GRM5: variants seen among roughly 807,000 people sequenced by gnomAD.
GRM5 encodes the protein metabotropic glutamate receptor 5.
A neutral mutation model predicts 83.1 loss-of-function variants in GRM5; 19 were observed. The ratio of observed to expected loss-of-function variants is 0.23; its 90% confidence interval spans 0.16 to 0.34. The LOEUF is 0.34. Ranked by LOEUF, GRM5 falls within the 10% of genes least tolerant of loss-of-function variation. The pLI, the probability that GRM5 is intolerant of heterozygous loss-of-function variation, is 1.00. For missense variants in GRM5, 1,160 were observed against 1,588.3 expected (o/e 0.73, Z 4.58); for synonymous variants, 675 against 633.6 (o/e 1.07, Z -0.98).
intron 3 of GRM5, among the ~76,000 whole-genome samples, chr11:88,805,307 T>G: frequency 6.6e-6 from 1 of 152,150 alleles, no homozygotes; most frequent in East Asian, 1.9e-4. Flanking sequence ...TTCTCCTGCC[T>G]CAGCCTCCTG....
At chr11:88,941,431 C>T (rs962008024) in intron 2 of GRM5, among the ~76,000 whole-genome samples, 68 of 126,790 alleles carry the variant, frequency 5.4e-4, no homozygotes, top group Admixed American at 2.0e-3. Context: ...GGAGAAGAGA[C>T]GAGAATAGGG....
chr11:88,543,235 T>C (rs1942311391), intron 8 of GRM5, among the ~76,000 whole-genome samples: 1 of 152,224 alleles, frequency 6.6e-6, no homozygotes, highest in Admixed American at 6.5e-5. Context: ...TAAGAGCTGA[T>C]TAAGTGAAAA....
intron 2 of GRM5, among the ~76,000 whole-genome samples, chr11:88,890,406 A>G (rs1945123690): frequency 6.6e-6 from 1 of 152,184 alleles, no homozygotes; most frequent in Non-Finnish European, 1.5e-5. Flanking sequence ...AATCCAATTA[A>G]GAAACTGACA....
chr11:88,878,851 G>C (rs896265803), intron 2 of GRM5, among the ~76,000 whole-genome samples: 4 of 152,150 alleles, frequency 2.6e-5, no homozygotes, highest in Non-Finnish European at 4.4e-5. Context: ...GTTTCATACT[G>C]TATCATTCCA....
chr11:88,726,340 A>T (rs1247381742), intron 3 of GRM5, among the ~76,000 whole-genome samples: 1 of 152,180 alleles, frequency 6.6e-6, no homozygotes, highest in African/African-American at 2.4e-5. Flanking sequence ...GATTAGAGAA[A>T]AAAGAATGAA....
At chr11:88,645,114 A>G (rs1352978405) in intron 4 of GRM5, among the ~76,000 whole-genome samples, 3 of 152,114 alleles carry the variant, frequency 2.0e-5, no homozygotes, top group South Asian at 2.1e-4. Flanking sequence ...CTCATTGCCA[A>G]TGTACTTTTA....
intron 8 of GRM5, among the ~76,000 whole-genome samples, chr11:88,546,542 G>C (rs148141244): frequency 2.6e-5 from 4 of 152,066 alleles, no homozygotes; most frequent in African/African-American, 4.8e-5. Flanking sequence ...AGTTTGCTTG[G>C]AATTTGGCTA....
chr11:88,537,842 CAGAAACTAATGGCAAAGTGA>C (rs1942170393), intron 8 of GRM5, among the ~76,000 whole-genome samples: 1 of 151,960 alleles, frequency 6.6e-6, no homozygotes, highest in Admixed American at 6.6e-5. Context: ...TTAATAGCTC[CAGAAACTAATGGCAAAGTGA>C]AGATAAGCTG....
At chr11:88,987,014 G>C (rs1939741741) in intron 2 of GRM5, among the ~76,000 whole-genome samples, 1 of 152,020 alleles carries the variant, frequency 6.6e-6, no homozygotes, top group South Asian at 2.1e-4. Flanking sequence ...AGCCAAGATG[G>C]CCGAATAGGA....
intron 2 of GRM5, among the ~76,000 whole-genome samples, chr11:88,950,703 C>G (rs1208962117): frequency 6.6e-6 from 1 of 152,158 alleles, no homozygotes; most frequent in Admixed American, 6.5e-5. Flanking sequence ...AAAATATTAT[C>G]CTCTCCTTAT....
intron 2 of GRM5, among the ~76,000 whole-genome samples, chr11:89,031,135 T>C (rs1313754183): frequency 6.6e-6 from 1 of 152,012 alleles, no homozygotes; most frequent in Non-Finnish European, 1.5e-5. Flanking sequence ...ACAAAAACTT[T>C]ATTTCAAGAA....
chr11:88,992,563 C>T (rs1049635503), intron 2 of GRM5, among the ~76,000 whole-genome samples: 2 of 151,978 alleles, frequency 1.3e-5, no homozygotes, highest in African/African-American at 4.8e-5. Flanking sequence ...AAGACACATG[C>T]ACATGTATGT....
intron 3 of GRM5, among the ~76,000 whole-genome samples, chr11:88,804,781 G>A (rs1387222193): frequency 6.6e-6 from 1 of 152,098 alleles, no homozygotes; most frequent in Non-Finnish European, 1.5e-5. Context: ...ATGTACACAT[G>A]GACATACAGT....
chr11:88,909,741 A>C (rs1317440659), intron 2 of GRM5, among the ~76,000 whole-genome samples: 1 of 152,070 alleles, frequency 6.6e-6, no homozygotes, highest in Non-Finnish European at 1.5e-5. Flanking sequence ...AGCAGTGTCT[A>C]GCACAAATGA....
At chr11:88,996,608 T>C (rs1186642914) in intron 2 of GRM5, among the ~76,000 whole-genome samples, 2 of 152,168 alleles carry the variant, frequency 1.3e-5, no homozygotes, top group African/African-American at 2.4e-5. Context: ...CTCTCAAAAA[T>C]TGACAGAACT....
At chr11:88,525,179 G>T in intron 9 of GRM5, 130 bp downstream of exon 9, 1 of 662,314 alleles carries the variant, frequency 1.5e-6, no homozygotes, top group Non-Finnish European at 2.7e-6. Flanking sequence ...TAGAAAACCA[G>T]TAGTAGCCTG....
chr11:88,902,351 A>G (rs1053740247), intron 2 of GRM5, among the ~76,000 whole-genome samples: 8 of 152,094 alleles, frequency 5.3e-5, no homozygotes, highest in African/African-American at 1.9e-4. Flanking sequence ...ATCTGGGAAG[A>G]GAAGATCCAA....
In GRM5 at chr11:88,508,857, C is replaced by T; in HGVS notation, c.3374G>A (p.Gly1125Glu). Residue 1125 changes from glycine (G) to glutamate (E), a missense_variant, in exon 10 of 10, where the codon GGA (glycine) becomes GAA (glutamate). Coordinates refer to ENST00000305447, the MANE Select transcript of GRM5 (RefSeq NM_001143831.3). The surrounding 1 kb of genome is among the most constrained non-coding windows in gnomAD (Gnocchi z 4.2). The part of the protein sequence containing the change: ...IQPLPAIEVT[G>E]GAQPAAGAQA... ...CGCCCCTGCCGCGGGCTGCGCGCCT[C>T]CCGTGACTTCGATGGCCGGCAGAGG... is the stretch of plus-strand genomic sequence containing the variant. 1 of 1,575,586 alleles carries T rather than the reference C, an allele frequency of 6.3e-7. No individual in the cohort carries two copies. Among genetic ancestry groups the T allele is most frequent in the Non-Finnish European group, 8.6e-7 (1 of 1,162,300 alleles).
chr11:88,725,698 C>G (rs1006084649), intron 3 of GRM5, among the ~76,000 whole-genome samples: 1 of 152,144 alleles, frequency 6.6e-6, no homozygotes. Context: ...AAACAGGCAG[C>G]AATTTTTCCT....
Sources: allele counts gnomAD v4.1 joint callset (sites outside exome capture counted in the v4.1 genomes callset), GRCh38; gene constraint gnomAD v4.1.1; non-coding constraint Gnocchi (gnomAD v3.1); transcripts MANE v1.5; gene names NCBI Gene and HGNC (gene_info 2026-07-23, HGNC 2026-07-21).